The following AGFG2 variants were observed in gnomAD, a reference collection of about 807,000 sequenced individuals.
AGFG2 encodes the protein arf-GAP domain and FG repeat-containing protein 2.
AGFG2 carries 31 observed loss-of-function variants against 48.0 expected under a neutral mutation model. The observed-to-expected ratio is 0.65, with a 90% CI of 0.49 to 0.87. AGFG2 has a LOEUF of 0.87. Ranked by LOEUF, AGFG2 falls within the 40% of genes least tolerant of loss-of-function variation. AGFG2 has a pLI of 0.00. For missense variants in AGFG2, 599 were observed against 632.6 expected (o/e 0.95, Z 0.57); for synonymous variants, 229 against 260.8 (o/e 0.88, Z 1.18).
intron 6 of AGFG2, among the ~76,000 whole-genome samples, chr7:100,559,818 C>CA (rs199577248): frequency 0.11 from 10,801 of 97,324 alleles, 479 homozygotes; most frequent in Middle Eastern, 0.19. Context: ...GACCCTGTCT[C>CA]AAAAAAAAAA....
In AGFG2 at chr7:100,554,145, C is replaced by A. The variant is rs762386901; in HGVS notation, c.638C>A (p.Pro213His). The change falls in exon 5 of 12, where the codon CCT (proline) becomes CAT (histidine). Residue 213 changes from proline (P) to histidine (H), a missense_variant. Pro to His is a moderately conservative substitution (Grantham distance 77). Transcript: ENST00000300176. ...RTSQARSTQP[P>H]PHSSVKKAST... ...TCCCAGGCCCGGAGCACTCAGCCAC[C>A]TCCCCACTCCTCTGTCAAAAAAGCC... 1.4e-5 allele frequency: 23 copies of A among 1,614,202 alleles called. No individual in the cohort carries two copies. The South Asian group carries it at 2.4e-4, about 17-fold the overall frequency.
chr7:100,551,855 C>T (rs1287454456), intron 3 of AGFG2, among the ~76,000 whole-genome samples: 2 of 136,598 alleles, frequency 1.5e-5, no homozygotes, highest in East Asian at 4.2e-4. Flanking sequence ...CCACTGTACT[C>T]CAGCCTGGGC....
At chr7:100,545,324 G>A (rs1053467956) in intron 1 of AGFG2, among the ~76,000 whole-genome samples, 6 of 152,160 alleles carry the variant, frequency 3.9e-5, no homozygotes, top group Non-Finnish European at 5.9e-5. Context: ...CAGCATGAGG[G>A]TGATGATCAC....
At position 100,553,333 on chromosome 7, in the gene AGFG2, A is replaced by C. The variant is rs1318541294; in HGVS notation, c.432-14A>C. ...TTATCCCTCTCTTTACAGCCTAACT[A>C]TTCTTTCTCAAAGGTATGTCCCCCC... On this transcript the variant is annotated splice_polypyrimidine_tract_variant and intron_variant, in intron 3 of 11. Coordinates refer to ENST00000300176, the MANE Select transcript of AGFG2 (RefSeq NM_006076.5). 1 of 1,613,900 alleles carries C rather than the reference A, an allele frequency of 6.2e-7. No homozygotes were observed. Among genetic ancestry groups the C allele is most frequent in the African/African-American group, 1.3e-5 (1 of 74,888 alleles).
chr7:100,560,068 C>G (rs137961939), intron 6 of AGFG2, among the ~76,000 whole-genome samples: 1 of 152,086 alleles, frequency 6.6e-6, no homozygotes, highest in Non-Finnish European at 1.5e-5. Context: ...GTCAGCCATC[C>G]GAGGAAAGGG....
Position 100,565,179 on chromosome 7 carries a change from G to T in AGFG2, c.*188G>T. The T allele has an allele frequency of 3.0e-6, 2 of 660,436 alleles. No homozygotes were observed. Among genetic ancestry groups the T allele is most frequent in the East Asian group, 5.3e-5 (2 of 37,478 alleles). 40.9% of individuals were successfully genotyped at this position (660,436 alleles called of 1,614,324 possible). A position where few individuals can be genotyped will look rare whatever the true frequency, so the allele number is the denominator to read the frequency against. On this transcript the variant is annotated 3_prime_UTR_variant, in exon 12 of 12. Coordinates refer to ENST00000300176, the MANE Select transcript of AGFG2 (RefSeq NM_006076.5). The stretch of plus-strand genomic sequence containing the variant: ...CCACAAAGCCTCTCTCCCCTCCCTC[G>T]TCCCACCCCCACCCAGGCAGGAAGC...
At chr7:100,542,707 C>T (rs2131100365) in intron 1 of AGFG2, among the ~76,000 whole-genome samples, 1 of 152,290 alleles carries the variant, frequency 6.6e-6, no homozygotes, top group South Asian at 2.1e-4. Context: ...TTTCTGGAGG[C>T]ATGGCTCCAT....
chr7:100,553,861 C>T (rs887243190), intron 4 of AGFG2, among the ~76,000 whole-genome samples: 1 of 152,184 alleles, frequency 6.6e-6, no homozygotes, highest in African/African-American at 2.4e-5. Context: ...GTTACCTTGG[C>T]TCATGTGCTG....
In AGFG2 at chr7:100,548,925, C is replaced by T; in HGVS notation, c.315+10C>T. The T allele has an allele frequency of 6.2e-7, 1 of 1,609,600 alleles. No individual in the cohort carries two copies. The highest frequency in any genetic ancestry group is 8.5e-7 in the Non-Finnish European group (1 of 1,176,322). ...ATCCCGTGGAAATGAGGTGAGCTGC[C>T]ACCGATGGAGTGGTGAGAAGGTCAC... On this transcript the variant is annotated intron_variant, in intron 2 of 11. Transcript: ENST00000300176.
At position 100,562,972 on chromosome 7, in the gene AGFG2, C is replaced by T. The variant is rs777504885; in HGVS notation, c.1171+26C>T. 1.3e-6 allele frequency: 2 copies of T among 1,595,710 alleles called. No individual in the cohort carries two copies. Among genetic ancestry groups the T allele is most frequent in the Admixed American group, 1.7e-5 (1 of 59,634 alleles). ...GTAAGCCTCCAGCATGGTCCCTTGT[C>T]CTGACCATCTGAGACTTCCAAGGCA... is the stretch of plus-strand genomic sequence containing the variant. On this transcript the variant is annotated intron_variant, in intron 9 of 11. Coordinates refer to ENST00000300176, the MANE Select transcript of AGFG2 (RefSeq NM_006076.5). This position sits in a 1 kb window ranked among gnomAD's most constrained non-coding sequence, Gnocchi z 5.4.
At chr7:100,542,074 G>A (rs1393135090) in intron 1 of AGFG2, among the ~76,000 whole-genome samples, 3 of 151,996 alleles carry the variant, frequency 2.0e-5, no homozygotes, top group Admixed American at 6.6e-5. Context: ...GGAGTGCAAT[G>A]GCGCGATCTC....
chr7:100,549,117 G>A (rs1800572835), intron 2 of AGFG2, among the ~76,000 whole-genome samples: 1 of 152,108 alleles, frequency 6.6e-6, no homozygotes, highest in Non-Finnish European at 1.5e-5. Context: ...CTCCTTTTCA[G>A]GAGTCAGGGG....
chr7:100,540,434 TTGG>T (rs2131098541), intron 1 of AGFG2, among the ~76,000 whole-genome samples: 1 of 152,240 alleles, frequency 6.6e-6, no homozygotes, highest in South Asian at 2.1e-4. Context: ...TGGGGGGGCT[TTGG>T]TGCATCATCT....
chr7:100,556,599 C>T lies in AGFG2; in HGVS notation c.877+864C>T, dbSNP rs547794800. On this transcript the variant is annotated intron_variant, in intron 6 of 11. Transcript: ENST00000300176. ...TTCTCCACCCTCACTGCCAGCCAGT[C>T]GGATGCTAACTGAAAGTTACAGCTT... is the stretch of plus-strand genomic sequence containing the variant. 3.5e-4 allele frequency: 457 copies of T among 1,289,430 alleles called. 1 individual carries two copies. The highest frequency in any genetic ancestry group is 3.0e-4 in the Admixed American group (13 of 43,536). The allele number at this position is 1,289,430 out of a possible 1,614,324, so 79.9% of individuals were successfully genotyped here.
chr7:100,539,839 C>T (rs996539577), intron 1 of AGFG2, among the ~76,000 whole-genome samples: 1 of 151,692 alleles, frequency 6.6e-6, no homozygotes, highest in Non-Finnish European at 1.5e-5. Context: ...AGAAACTCCC[C>T]GAGGGGGTCG....
intron 3 of AGFG2, among the ~76,000 whole-genome samples, chr7:100,551,064 ATATTTCT>A (rs1200401721): frequency 1.3e-4 from 10 of 78,330 alleles, no homozygotes; most frequent in Non-Finnish European, 1.8e-4. Flanking sequence ...ATATATATAT[ATATTTCT>A]TTTTTTTTTT....
At chr7:100,551,051 TATATA>T (rs1562791796) in intron 3 of AGFG2, among the ~76,000 whole-genome samples, 2 of 84,742 alleles carry the variant, frequency 2.4e-5, no homozygotes, top group African/African-American at 8.2e-5. Context: ...TATATATATA[TATATA>T]TATATATATA....
chr7:100,552,362 A>C (rs1800664493), intron 3 of AGFG2, among the ~76,000 whole-genome samples: 1 of 152,248 alleles, frequency 6.6e-6, no homozygotes, highest in Non-Finnish European at 1.5e-5. Context: ...ATTGGAGGAT[A>C]TACATATTTG....
intron 1 of AGFG2, among the ~76,000 whole-genome samples, chr7:100,544,358 A>G (rs60743967): frequency 0.081 from 12,371 of 152,176 alleles, 556 homozygotes; most frequent in African/African-American, 0.12. Context: ...TCAAGAATGC[A>G]CTTGACAGCT....
Sources: gnomAD v4.1 joint callset for allele counts (sites outside exome capture counted in the v4.1 genomes callset) on GRCh38, gnomAD v4.1.1 for gene constraint, Gnocchi (gnomAD v3.1) non-coding constraint, MANE v1.5 for transcripts, NCBI Gene and HGNC (gene_info 2026-07-23, HGNC 2026-07-21) for gene names.